Variants in APLF observed in about 807,000 individuals in gnomAD.
APLF encodes the protein aprataxin and PNKP like factor.
A neutral mutation model predicts 55.6 loss-of-function variants in APLF; 61 were observed. The ratio of observed to expected loss-of-function variants is 1.10; its 90% CI spans 0.89 to 1.36. The LOEUF (loss-of-function observed/expected upper bound fraction) is 1.36, where lower values mean the gene tolerates loss of function less well. Among genes scored for constraint, APLF ranks in the 40% most tolerant of loss-of-function variants. APLF has a pLI of 0.00. For synonymous variants in APLF, 207 were observed against 214.8 expected, an observed-to-expected ratio of 0.96 and a Z score of 0.32; for missense variants, 611 against 602.5, an observed-to-expected ratio of 1.01 and a Z score of -0.15.
chr2:68,531,154 G>A (rs73934389), intron 6 of APLF, among the ~76,000 whole-genome samples: 7,131 of 152,184 alleles, frequency 0.047, 447 homozygotes, highest in African/African-American at 0.14. Flanking sequence ...GCTGAAATAC[G>A]CATTCTGTAA....
intron 7 of APLF, among the ~76,000 whole-genome samples, chr2:68,543,654 A>G (rs1670620296): frequency 6.6e-6 from 1 of 152,214 alleles, no homozygotes; most frequent in South Asian, 2.1e-4. Flanking sequence ...TCATTGCAGT[A>G]TTACTTATAG....
At position 68,490,367 on chromosome 2, in the gene APLF, A is replaced by G. The variant is rs11892549; in HGVS notation, c.168+106A>G. 2,425 of 789,332 alleles carry G rather than the reference A, an allele frequency of 3.1e-3. 52 individuals carry two copies. The African/African-American group carries it at 0.038, about 12-fold the overall frequency. The allele number at this position is 789,332 out of a possible 1,614,324, so 48.9% of individuals were successfully genotyped here. ...GTTATGGGAATAGGGAATTAATGTC[A>G]GAATATACCCTTCTCATTGCCAGAA... On this transcript the variant is annotated intron_variant, in intron 2 of 9. Transcript: ENST00000303795.
intron 6 of APLF, among the ~76,000 whole-genome samples, chr2:68,532,215 T>G (rs1573229557): frequency 1.3e-5 from 2 of 152,188 alleles, no homozygotes; most frequent in Non-Finnish European, 2.9e-5. Context: ...GAGGCTAGGT[T>G]CACCTATCTA....
chr2:68,476,158 G>A (rs147341858), intron 1 of APLF, among the ~76,000 whole-genome samples: 1 of 151,598 alleles, frequency 6.6e-6, no homozygotes, highest in African/African-American at 2.4e-5. Context: ...AATGTTTTTT[G>A]TGTGTATTAT....
chr2:68,570,870 C>A (rs1671440750), intron 9 of APLF, among the ~76,000 whole-genome samples: 1 of 152,208 alleles, frequency 6.6e-6, no homozygotes, highest in Non-Finnish European at 1.5e-5. Flanking sequence ...GGAATTGCCA[C>A]ACTGTCTTCC....
In APLF at chr2:68,526,095, C is replaced by G. The variant is rs1670038230; in HGVS notation, c.657C>G (p.Ile219Met). The G allele has an allele frequency of 6.2e-7, 1 of 1,613,282 alleles. No individual in the cohort carries two copies. The highest frequency in any genetic ancestry group is 2.2e-5 in the East Asian group (1 of 44,836). ...TCCAGGGAAGTGGAAAAGAAGAAAT[C>G]TGCAAAGATAAATCCCAGCTAAACA... ...NVIQGSGKEEICKDKSQLNTT... is the reference protein window; with the variant it reads ...NVIQGSGKEEMCKDKSQLNTT... The change falls in exon 6 of 10, where the codon ATC becomes ATG. Residue 219 changes from isoleucine (I) to methionine (M), a missense_variant. Ile to Met is a conservative substitution (Grantham distance 10, BLOSUM62 1). Transcript: ENST00000303795.
intron 3 of APLF, among the ~76,000 whole-genome samples, chr2:68,504,628 CA>C (rs144241874): frequency 0.089 from 13,439 of 151,686 alleles, 1,727 homozygotes; most frequent in African/African-American, 0.28. Flanking sequence ...TTTTTTCCTA[CA>C]AAAAACCTAT....
At chr2:68,489,768 A>G (rs541682389) in intron 1 of APLF, among the ~76,000 whole-genome samples, 3 of 152,344 alleles carry the variant, frequency 2.0e-5, no homozygotes, top group Admixed American at 2.0e-4. Flanking sequence ...ATCCTCGAGC[A>G]TGGGATCTCT....
At chr2:68,507,839 C>T (rs1179557606) in intron 3 of APLF, among the ~76,000 whole-genome samples, 2 of 151,706 alleles carry the variant, frequency 1.3e-5, no homozygotes, top group South Asian at 4.2e-4. Context: ...TTTTCAGACA[C>T]TTATGAGGAA....
chr2:68,534,384 A>G (rs1024696450), intron 6 of APLF, among the ~76,000 whole-genome samples: 1 of 152,094 alleles, frequency 6.6e-6, no homozygotes, highest in Non-Finnish European at 1.5e-5. Context: ...TTTTAAGGTA[A>G]TTTGTCACCA....
chr2:68,496,736 C>T (rs1676560945), intron 2 of APLF, among the ~76,000 whole-genome samples: 2 of 152,178 alleles, frequency 1.3e-5, no homozygotes, highest in Non-Finnish European at 1.5e-5. Context: ...TGCAGCCAAG[C>T]TCTCTGCTAA....
intron 7 of APLF, among the ~76,000 whole-genome samples, chr2:68,544,193 G>A (rs995185574): frequency 3.3e-5 from 5 of 152,018 alleles, no homozygotes; most frequent in African/African-American, 1.2e-4. Context: ...TGGCCAGGCT[G>A]GTCCTGAACT....
chr2:68,551,141 C>A (rs1260082686), intron 8 of APLF, among the ~76,000 whole-genome samples: 2 of 151,994 alleles, frequency 1.3e-5, no homozygotes, highest in African/African-American at 4.8e-5. Flanking sequence ...GCTTAGCATA[C>A]CTTTTCTTTT....
At position 68,467,755 on chromosome 2, in the gene APLF, G is replaced by C; in HGVS notation, c.24G>C (p.Gln8His). MSGGFEL[Q>H]PRDGGPRVAL... ...CCATGTCCGGGGGCTTCGAGCTGCAGCCGCGGGACGGCGGTCCCCGGGTGG... is the reference window on the plus strand; with the variant it reads ...CCATGTCCGGGGGCTTCGAGCTGCACCCGCGGGACGGCGGTCCCCGGGTGG... The change falls in exon 1 of 10, where the codon CAG becomes CAC. Residue 8 changes from glutamine (Q) to histidine (H), a missense_variant. Transcript: ENST00000303795. 1 of 1,234,834 alleles carries C rather than the reference G, an allele frequency of 8.1e-7. No homozygotes were observed. 76.5% of individuals were successfully genotyped at this position (1,234,834 alleles called of 1,614,324 possible).
intron 3 of APLF, among the ~76,000 whole-genome samples, chr2:68,503,234 C>G (rs140225880): frequency 6.6e-6 from 1 of 152,200 alleles, no homozygotes; most frequent in African/African-American, 2.4e-5. Flanking sequence ...AATTGACTAC[C>G]TTTTCCTCAT....
chr2:68,473,180 CCAGAGGCTCCCCAGGACCCCTGGCAA>C (rs1558524653), intron 1 of APLF, among the ~76,000 whole-genome samples: 1 of 152,120 alleles, frequency 6.6e-6, no homozygotes, highest in East Asian at 1.9e-4. Flanking sequence ...TATTCATCCC[CCAGAGGCTCCCCAGGACCCCTGGCAA>C]CTACTGAATT....
Position 68,565,514 on chromosome 2 carries a change from G to C in APLF, c.1287-1827G>C, listed in dbSNP as rs148990826. Among the ~76,000 whole-genome samples, 236 of 149,028 alleles carry C rather than the reference G, an allele frequency of 1.6e-3. 3 individuals are homozygous for C. The highest frequency in any genetic ancestry group is 0.016 in the East Asian group (80 of 5,054). Reference sequence around the variant, plus strand: ...AGTTAGATAGACAGATAGACAGATAGATACATACATACATACATACATACA... The same window carrying C: ...AGTTAGATAGACAGATAGACAGATACATACATACATACATACATACATACA... On this transcript the variant is annotated intron_variant, in intron 8 of 9. Transcript: ENST00000303795.
chr2:68,485,168 A>G (rs755645174), intron 1 of APLF, among the ~76,000 whole-genome samples: 27 of 152,100 alleles, frequency 1.8e-4, no homozygotes, highest in Admixed American at 3.3e-4. Context: ...GGTTTTGTAC[A>G]TCGTTTTCAA....
intron 9 of APLF, among the ~76,000 whole-genome samples, chr2:68,571,280 C>G (rs1468434344): frequency 1.3e-5 from 2 of 152,068 alleles, no homozygotes; most frequent in Non-Finnish European, 2.9e-5. Context: ...TTTTGCTGTG[C>G]AGAAGCTCTT....
Sources: allele counts gnomAD v4.1 joint callset (sites outside exome capture counted in the v4.1 genomes callset), GRCh38; gene constraint gnomAD v4.1.1; transcripts MANE v1.5; gene names NCBI Gene and HGNC (gene_info 2026-07-23, HGNC 2026-07-21).